Variants in ARL15 observed in about 807,000 individuals in gnomAD.
ARL15 encodes ADP-ribosylation factor-like protein 15.
ARL15 carries 19 observed loss-of-function variants against 25.2 expected under a neutral mutation model. The observed-to-expected ratio is 0.75, with a 90% confidence interval of 0.53 to 1.10. The LOEUF (loss-of-function observed/expected upper bound fraction) is 1.10, where lower values mean the gene tolerates loss of function less well. ARL15 is among the 50% of genes least tolerant of loss of function. ARL15 has a pLI of 0.00. For synonymous variants in ARL15, 94 were observed against 86.8 expected (o/e 1.08, Z -0.46); for missense variants, 220 against 246.0 (o/e 0.89, Z 0.71).
intron 1 of ARL15, among the ~76,000 whole-genome samples, chr5:54,201,598 A>C (rs980776609): frequency 4.0e-5 from 6 of 151,526 alleles, no homozygotes; most frequent in African/African-American, 1.5e-4. Flanking sequence ...AGTCCCCCTT[A>C]CCCCTTATGC....
At chr5:54,237,844 G>T (rs756168666) in intron 1 of ARL15, among the ~76,000 whole-genome samples, 1 of 152,078 alleles carries the variant, frequency 6.6e-6, no homozygotes, top group East Asian at 1.9e-4. Flanking sequence ...CAAAAAGCGG[G>T]AAACAGATGG....
chr5:54,238,424 C>T (rs182491646), intron 1 of ARL15, among the ~76,000 whole-genome samples: 60 of 152,262 alleles, frequency 3.9e-4, no homozygotes, highest in Admixed American at 3.5e-3. Flanking sequence ...CCTGAGGAAG[C>T]CGACGGTGAG....
chr5:54,195,009 C>T (rs914787005), intron 1 of ARL15, among the ~76,000 whole-genome samples: 1 of 152,114 alleles, frequency 6.6e-6, no homozygotes, highest in African/African-American at 2.4e-5. Flanking sequence ...GGAGATATCT[C>T]GAGACATTCA....
intron 3 of ARL15, among the ~76,000 whole-genome samples, chr5:54,128,355 C>T (rs1753324449): frequency 6.6e-6 from 1 of 152,162 alleles, no homozygotes; most frequent in Non-Finnish European, 1.5e-5. Context: ...TGACAGATTT[C>T]TGCACTTATG....
intron 4 of ARL15, among the ~76,000 whole-genome samples, chr5:53,942,275 T>C (rs1167602429): frequency 1.3e-5 from 2 of 151,698 alleles, no homozygotes; most frequent in African/African-American, 4.8e-5. Context: ...AGAAGTTGGG[T>C]TTGAGTTGTG....
At chr5:54,303,609 G>GGTTGCCTGAAAATCTAT (rs1189091142) in intron 1 of ARL15, among the ~76,000 whole-genome samples, 2 of 141,656 alleles carry the variant, frequency 1.4e-5, no homozygotes, top group East Asian at 2.1e-4. Context: ...TGAGTAAGGA[G>GGTTGCCTGAAAATCTAT]ATCGCACCAC....
At chr5:54,175,384 G>C (rs1243379365) in intron 1 of ARL15, among the ~76,000 whole-genome samples, 1 of 151,424 alleles carries the variant, frequency 6.6e-6, no homozygotes, top group East Asian at 1.9e-4. Context: ...GCCCGGGCTG[G>C]AGTGCAATGG....
chr5:54,102,904 T>G (rs1470864545), intron 4 of ARL15, among the ~76,000 whole-genome samples: 1 of 152,176 alleles, frequency 6.6e-6, no homozygotes, highest in African/African-American at 2.4e-5. Flanking sequence ...ATGTAGAACC[T>G]TCTTCCCATA....
In ARL15 at chr5:54,000,325, G is replaced by C. The variant is rs867802748; in HGVS notation, c.462+112877C>G. ...CCTTTCTTCTGGTCACTAGCTGCATGTGAGGGTGGTAATCTACATAAATAA... is the reference window on the plus strand; with the variant it reads ...CCTTTCTTCTGGTCACTAGCTGCATCTGAGGGTGGTAATCTACATAAATAA... On this transcript the variant is annotated intron_variant, in intron 4 of 4. Transcript: ENST00000504924. Among the ~76,000 whole-genome samples, 8 of 152,164 alleles carry C rather than the reference G, an allele frequency of 5.3e-5. No homozygotes were observed. In the South Asian group the frequency reaches 6.2e-4, roughly 12 times the overall value.
intron 4 of ARL15, among the ~76,000 whole-genome samples, chr5:54,078,472 G>T (rs1257740411): frequency 6.6e-6 from 1 of 152,142 alleles, no homozygotes; most frequent in Non-Finnish European, 1.5e-5. Context: ...CTCCTTCGGG[G>T]TAAATTTTAT....
chr5:54,057,793 G>A lies in ARL15; in HGVS notation c.462+55409C>T, dbSNP rs114665913. 3.7e-3 allele frequency among the ~76,000 whole-genome samples: 566 copies of A among 152,226 alleles called. 2 individuals carry two copies. Among genetic ancestry groups the A allele is most frequent in the African/African-American group, 0.013 (544 of 41,544 alleles). On this transcript the variant is annotated intron_variant, in intron 4 of 4. Transcript: ENST00000504924. Reference sequence around the variant, plus strand: ...GAGTCTGGGAGGTTGAGGCTGCAGGGAGCCATGGTTGCACCTCTCGACTTC... The same window carrying A: ...GAGTCTGGGAGGTTGAGGCTGCAGGAAGCCATGGTTGCACCTCTCGACTTC...
intron 4 of ARL15, among the ~76,000 whole-genome samples, chr5:53,953,775 C>T (rs1284540156): frequency 4.6e-5 from 7 of 152,090 alleles, no homozygotes; most frequent in South Asian, 2.1e-4. Flanking sequence ...ATAATTAATA[C>T]GGATATATCA....
intron 1 of ARL15, among the ~76,000 whole-genome samples, chr5:54,304,024 G>A (rs1171926973): frequency 6.6e-6 from 1 of 152,184 alleles, no homozygotes; most frequent in East Asian, 1.9e-4. Flanking sequence ...AGTCCTTGGG[G>A]ACAAGGGCGC....
chr5:54,241,649 T>C (rs1756960213), intron 1 of ARL15, among the ~76,000 whole-genome samples: 1 of 152,198 alleles, frequency 6.6e-6, no homozygotes, highest in Non-Finnish European at 1.5e-5. Flanking sequence ...GAGTAGGTCA[T>C]CTTAAAAATA....
intron 4 of ARL15, among the ~76,000 whole-genome samples, chr5:54,015,392 T>C (rs1749397552): frequency 1.3e-5 from 2 of 152,218 alleles, no homozygotes; most frequent in African/African-American, 4.8e-5. Flanking sequence ...ACACTGCTAG[T>C]CCCAAGCATT....
intron 1 of ARL15, among the ~76,000 whole-genome samples, chr5:54,189,810 G>A (rs1264319343): frequency 6.6e-6 from 1 of 151,882 alleles, no homozygotes; most frequent in Non-Finnish European, 1.5e-5. Context: ...AGAAACAATA[G>A]GCAAATTGAA....
intron 2 of ARL15, among the ~76,000 whole-genome samples, chr5:54,169,476 C>A (rs1754661561): frequency 6.6e-6 from 1 of 152,158 alleles, no homozygotes; most frequent in South Asian, 2.1e-4. Flanking sequence ...GTAACAATAG[C>A]CATGTCACCA....
At chr5:54,000,545 G>A (rs1483710464) in intron 4 of ARL15, among the ~76,000 whole-genome samples, 1 of 152,064 alleles carries the variant, frequency 6.6e-6, no homozygotes, top group African/African-American at 2.4e-5. Flanking sequence ...GCCACCTTGG[G>A]TACCAAAACC....
At chr5:53,907,488 A>ATACATATATATTTTT (rs1360900279) in intron 4 of ARL15, among the ~76,000 whole-genome samples, 1 of 18,016 alleles carries the variant, frequency 5.6e-5, no homozygotes, top group African/African-American at 2.9e-4. Context: ...ATATATATAT[A>ATACATATATATTTTT]TTTTTTTTTT....
Sources: gnomAD v4.1 joint callset for allele counts (sites outside exome capture counted in the v4.1 genomes callset) on GRCh38, gnomAD v4.1.1 for gene constraint, MANE v1.5 for transcripts, NCBI Gene and HGNC (gene_info 2026-07-23, HGNC 2026-07-21) for gene names.